The following KANSL3 variants were observed in gnomAD, a reference collection of about 807,000 sequenced individuals.
KANSL3 encodes the protein KAT8 regulatory NSL complex subunit 3.
Under a neutral mutation model 89.2 loss-of-function variants are expected in KANSL3, and 16 were observed. The ratio of observed to expected loss-of-function variants is 0.18; its 90% CI spans 0.12 to 0.27. The LOEUF (loss-of-function observed/expected upper bound fraction) is 0.27. Among genes scored for constraint, KANSL3 ranks in the 10% least tolerant of loss-of-function variants. KANSL3 has a pLI of 1.00. For synonymous variants in KANSL3, 385 were observed against 419.7 expected (o/e 0.92, Z 1.01); for missense variants, 879 against 1,110.6 (o/e 0.79, Z 2.96).
chr2:96,604,286 G>A lies in KANSL3; in HGVS notation c.2113C>T (p.Arg705Cys), dbSNP rs200846585. ...CTGCCAGGAGATGTGGCCACCAGGC[G>A]GCTCTGCAGTGTGTGCAAGGCACTG... ...APSALHTLQS[R>C]LVATSPGSSL... The change falls in exon 17 of 21, where the codon CGC (arginine) becomes TGC (cysteine). Residue 705 changes from arginine (R) to cysteine (C), a missense_variant. By Grantham distance (180) the Arg-to-Cys change is radical (BLOSUM62 -3). Transcript: ENST00000431828. The A allele has an allele frequency of 7.9e-4, 1,279 of 1,611,106 alleles. 2 individuals are homozygous for A. The highest frequency in any genetic ancestry group is 1.0e-3 in the Non-Finnish European group (1,204 of 1,178,762).
intron 3 of KANSL3, among the ~76,000 whole-genome samples, chr2:96,630,961 A>AT (rs970721311): frequency 3.3e-5 from 5 of 152,202 alleles, no homozygotes; most frequent in Non-Finnish European, 5.9e-5. Context: ...TGTACATTTC[A>AT]TTTTTTTGCA....
At position 96,609,059 on chromosome 2, in the gene KANSL3, C is replaced by T; in HGVS notation, c.1389G>A (p.Glu463=). 6.4e-7 allele frequency: 1 copy of T among 1,557,268 alleles called. No homozygotes were observed. Among genetic ancestry groups the T allele is most frequent in the Non-Finnish European group, 8.7e-7 (1 of 1,150,180 alleles). The stretch of plus-strand genomic sequence containing the variant: ...GCACTCCAGTCAGAAAGTCCACAAT[C>T]TCATCCTAGTGTAGAGAGGAGCCAA... ...QSMVDRCIQD[E]IVDFLTGVLT... The change falls in exon 13 of 21, where the codon GAG becomes GAA. Residue 463 remains glutamate (E), a synonymous_variant. Transcript: ENST00000431828.
downstream of KANSL3, among the ~76,000 whole-genome samples, chr2:96,590,741 T>G (rs1035582077): frequency 6.6e-6 from 1 of 151,214 alleles, no homozygotes; most frequent in African/African-American, 2.4e-5. Flanking sequence ...CCCAGCACTT[T>G]GGGAGGCCGA....
intron 9 of KANSL3, among the ~76,000 whole-genome samples, chr2:96,611,547 C>G (rs542517816): frequency 6.6e-6 from 1 of 152,264 alleles, no homozygotes; most frequent in South Asian, 2.1e-4. Flanking sequence ...GGATAGCTAC[C>G]AGACAGCCTA....
In KANSL3 at chr2:96,612,861, C is replaced by T. The variant is rs986076200; in HGVS notation, c.869G>A (p.Arg290His). 1.3e-6 allele frequency: 2 copies of T among 1,571,562 alleles called. No homozygotes were observed. Among genetic ancestry groups the T allele is most frequent in the Non-Finnish European group, 8.6e-7 (1 of 1,158,638 alleles). Residue 290 changes from arginine to histidine, a missense_variant, in exon 7 of 21, where the codon CGC becomes CAC. By Grantham distance (29) the Arg-to-His change is conservative (BLOSUM62 0). This residue lies in a region of KANSL3 where 198 missense variants were observed against 260.3 expected (regional missense o/e 0.76). Coordinates refer to ENST00000431828, the MANE Select transcript of KANSL3 (RefSeq NM_001115016.3). ...GPSSSVFPTS[R>H]RHRFWQSQLS... ...CTGAGATTGCCAGAAGCGGTGGCGG[C>T]GTGAAGTGGGAAACACAGAGCTGGA...
chr2:96,629,064 T>C (rs928166607), intron 3 of KANSL3, among the ~76,000 whole-genome samples: 1 of 152,094 alleles, frequency 6.6e-6, no homozygotes, highest in Admixed American at 6.5e-5. Flanking sequence ...TGAGCAGAGA[T>C]GAAGGGGGGA....
At chr2:96,612,435 A>G in intron 8 of KANSL3, 27 bp downstream of exon 8, 1 of 1,606,758 alleles carries the variant, frequency 6.2e-7, no homozygotes, top group Admixed American at 1.7e-5. Context: ...GGTATGCCAC[A>G]ATGTACTGAA....
At chr2:96,598,024 A>T in intron 20 of KANSL3, 2 of 753,576 alleles carry the variant, frequency 2.7e-6, no homozygotes, top group Non-Finnish European at 1.6e-6. Context: ...AATGACCTCT[A>T]CTCTCTTCTC....
chr2:96,627,277 C>A (rs1047081279), intron 3 of KANSL3, among the ~76,000 whole-genome samples: 1 of 151,874 alleles, frequency 6.6e-6, no homozygotes, highest in African/African-American at 2.4e-5. Flanking sequence ...TGCAGTGGCA[C>A]GATCTCGGCT....
intron 3 of KANSL3, chr2:96,627,994 AAAT>A: frequency 7.8e-7 from 1 of 1,290,168 alleles, no homozygotes; most frequent in Non-Finnish European, 1.0e-6. Flanking sequence ...CTAAGAAAAC[AAAT>A]AATCTGATAA....
At chr2:96,611,209 G>A in intron 9 of KANSL3, 71 bp from the exon 10 acceptor site, 1 of 1,295,222 alleles carries the variant, frequency 7.7e-7, no homozygotes, top group Non-Finnish European at 1.1e-6. Flanking sequence ...CAGAATCCAG[G>A]AGTGGTCCAG....
At chr2:96,622,508 G>T (rs2071500827) in intron 3 of KANSL3, among the ~76,000 whole-genome samples, 1 of 151,996 alleles carries the variant, frequency 6.6e-6, no homozygotes, top group Non-Finnish European at 1.5e-5. Context: ...CTCTGTTGTT[G>T]TGAGGGTACA....
rs900836895 is a variant in KANSL3 at position 96,593,654 on chromosome 2, T to C, written c.*1957A>G. 3 of 213,968 alleles carry C rather than the reference T, an allele frequency of 1.4e-5. No individual in the cohort carries two copies. Among genetic ancestry groups the C allele is most frequent in the Admixed American group, 1.0e-4 (2 of 19,626 alleles). The allele number at this position is 213,968 out of a possible 1,614,324, so 13.3% of individuals were successfully genotyped here. ...TCCCTTGTAAGCACACTAGAATTTA[T>C]CATAAAGGCAGGTCGGCTTGTTAGT... On this transcript the variant is annotated 3_prime_UTR_variant, in exon 21 of 21. Transcript: ENST00000431828.
downstream of KANSL3, among the ~76,000 whole-genome samples, chr2:96,592,940 T>A (rs28683022): frequency 2.6e-4 from 39 of 152,064 alleles, no homozygotes; most frequent in African/African-American, 9.4e-4. Context: ...GAGGCGGAAG[T>A]TGCAGTTAGC....
chr2:96,604,741 A>G (rs989160998), intron 16 of KANSL3, 38 bp downstream of exon 16: 2 of 1,521,730 alleles, frequency 1.3e-6, no homozygotes, highest in African/African-American at 2.8e-5. Flanking sequence ...AGGGAAGGGA[A>G]AAAAGGAATA....
At chr2:96,612,747 A>G (rs1374335255) in intron 7 of KANSL3, 71 bp downstream of exon 7, 2 of 1,326,970 alleles carry the variant, frequency 1.5e-6, no homozygotes, top group East Asian at 2.5e-5. Flanking sequence ...CTCCTCCCAC[A>G]TATTCTTCTC....
At chr2:96,618,898 T>C (rs2070724054) in intron 5 of KANSL3, among the ~76,000 whole-genome samples, 1 of 152,216 alleles carries the variant, frequency 6.6e-6, no homozygotes. Flanking sequence ...TTGTACTGAA[T>C]TATAAAAGTC....
At position 96,609,950 on chromosome 2, in the gene KANSL3, C is replaced by CAAAAAA. The variant is rs35175492; in HGVS notation, c.1320-394_1320-389dup. Among the ~76,000 whole-genome samples the CAAAAAA allele has an allele frequency of 5.0e-3, 108 of 21,616 alleles. 38 individuals carry two copies. Among genetic ancestry groups the CAAAAAA allele is most frequent in the East Asian group, 0.022 (11 of 502 alleles). 14.2% of individuals were successfully genotyped at this position (21,616 alleles called of 152,430 possible). On this transcript the variant is annotated intron_variant, in intron 11 of 20. Coordinates refer to ENST00000431828, the MANE Select transcript of KANSL3 (RefSeq NM_001115016.3). ...TAGGCGACAGAGCCAGGCGCCACCT[C>CAAAAAA]AAAAAAAAAAAAAAAAAAAAAAAAA...
chr2:96,608,123 CAAAG>C (rs1287634480), intron 14 of KANSL3, among the ~76,000 whole-genome samples: 9 of 152,250 alleles, frequency 5.9e-5, no homozygotes, highest in African/African-American at 1.9e-4. Flanking sequence ...AAGGGTCAAA[CAAAG>C]AAAGGGCATG....
Sources: gnomAD v4.1 joint callset for allele counts (sites outside exome capture counted in the v4.1 genomes callset) on GRCh38, gnomAD v4.1.1 for gene constraint, gnomAD v4.1.1 regional missense constraint, MANE v1.5 for transcripts, NCBI Gene and HGNC (gene_info 2026-07-23, HGNC 2026-07-21) for gene names.